ELK4: variants seen among roughly 807,000 people sequenced by gnomAD.
ELK4 encodes the protein ETS transcription factor ELK4, also known as ETS domain-containing protein Elk-4.
ELK4 carries 16 observed loss-of-function variants against 29.6 expected under a neutral mutation model. The ratio of observed to expected loss-of-function variants is 0.54; its 90% CI spans 0.37 to 0.82. ELK4 has a LOEUF of 0.82. Among genes scored for constraint, ELK4 ranks in the 40% least tolerant of loss-of-function variants. The pLI, the probability that ELK4 is intolerant of heterozygous loss-of-function variation, is 0.00. For synonymous variants in ELK4, 213 were observed against 191.1 expected (o/e 1.11, Z -0.95); for missense variants, 465 against 507.1 (o/e 0.92, Z 0.80).
rs1224452229 is a variant in ELK4 at position 205,609,036 on chromosome 1, T to C, written c.*7510A>G. ...TTTAATTTTTAAGTGATGTTCATAC[T>C]TGACGGTTCAGAAACTGCCACTGCC... On this transcript the variant is annotated 3_prime_UTR_variant, in exon 5 of 5. Coordinates refer to ENST00000357992, the MANE Select transcript of ELK4 (RefSeq NM_001973.4). The C allele has an allele frequency of 8.5e-5, 16 of 188,662 alleles. No individual in the cohort carries two copies. In the East Asian group the frequency reaches 1.2e-3, roughly 14 times the overall value. 11.7% of individuals were successfully genotyped at this position (188,662 alleles called of 1,614,324 possible). A position where few individuals can be genotyped will look rare whatever the true frequency, so the allele number is the denominator to read the frequency against.
At position 205,609,273 on chromosome 1, in the gene ELK4, C is replaced by A; in HGVS notation, c.*7273G>T. ...ATTTGATTATTTGGTAAAGCAAGGG[C>A]ATAATTTTAAGAAACTAATTTTAAT... On this transcript the variant is annotated 3_prime_UTR_variant, in exon 5 of 5. Coordinates refer to ENST00000357992, the MANE Select transcript of ELK4 (RefSeq NM_001973.4). The A allele has an allele frequency of 5.3e-6, 1 of 188,216 alleles. No homozygotes were observed. The highest frequency in any genetic ancestry group is 8.5e-5 in the East Asian group (1 of 11,750). The allele number at this position is 188,216 out of a possible 1,614,324, so 11.7% of individuals were successfully genotyped here.
Position 205,616,369 on chromosome 1 carries a change from G to A in ELK4, c.*177C>T. On this transcript the variant is annotated 3_prime_UTR_variant, in exon 5 of 5. Transcript: ENST00000357992. Reference sequence around the variant, plus strand: ...CAATTAAGGCATTTTTATACATATAGTCCAACTTGAGTCCTATTCAAAGAG... The same window carrying A: ...CAATTAAGGCATTTTTATACATATAATCCAACTTGAGTCCTATTCAAAGAG... The A allele has an allele frequency of 1.8e-6, 1 of 545,872 alleles. No homozygotes were observed. Among genetic ancestry groups the A allele is most frequent in the East Asian group, 2.9e-5 (1 of 34,884 alleles). The allele number at this position is 545,872 out of a possible 1,614,324, so 33.8% of individuals were successfully genotyped here.
chr1:205,614,608 A>G lies in ELK4; in HGVS notation c.*1938T>C. 4.4e-6 allele frequency: 1 copy of G among 228,178 alleles called. No homozygotes were observed. Among genetic ancestry groups the G allele is most frequent in the Non-Finnish European group, 8.7e-6 (1 of 114,880 alleles). The allele number at this position is 228,178 out of a possible 1,614,324, so 14.1% of individuals were successfully genotyped here. The stretch of plus-strand genomic sequence containing the variant: ...GTAACAAGTCTCCGACACTACAGAT[A>G]TAAAGGCAGCTCACTGAATATGTTC... On this transcript the variant is annotated 3_prime_UTR_variant, in exon 5 of 5. Transcript: ENST00000357992.
intron 4 of ELK4, among the ~76,000 whole-genome samples, chr1:205,616,863 AC>A (rs775073753): frequency 4.3e-4 from 65 of 152,346 alleles, no homozygotes; most frequent in Admixed American, 2.2e-3. Flanking sequence ...TCTCCAACTT[AC>A]CTCAATGGAG....
chr1:205,617,238 T>C lies in ELK4; in HGVS notation c.1198-594A>G, dbSNP rs761573824. ...ATTCTCAACTTTTTTTTCTATTCAA[T>C]AATTTTAAACGTTGGCAAAAAATAA... is the stretch of plus-strand genomic sequence containing the variant. On this transcript the variant is annotated intron_variant, in intron 4 of 4. Transcript: ENST00000357992. Among the ~76,000 whole-genome samples the C allele has an allele frequency of 6.6e-5, 10 of 152,326 alleles. No homozygotes were observed. In the East Asian group the frequency reaches 1.9e-3, roughly 29 times the overall value.
Position 205,611,366 on chromosome 1 carries a change from C to T in ELK4, c.*5180G>A, listed in dbSNP as rs529953239. On this transcript the variant is annotated 3_prime_UTR_variant, in exon 5 of 5. Transcript: ENST00000357992. ...CAAACCACCTTCTTTTCTTAATACA[C>T]GACCAACCACAAGAATTCTAGATCC... 1.9e-5 allele frequency: 4 copies of T among 210,520 alleles called. No homozygotes were observed. The highest frequency in any genetic ancestry group is 1.9e-4 in the South Asian group (1 of 5,350). 13.0% of individuals were successfully genotyped at this position (210,520 alleles called of 1,614,324 possible).
chr1:205,611,405 C>G lies in ELK4; in HGVS notation c.*5141G>C, dbSNP rs1213764774. On this transcript the variant is annotated 3_prime_UTR_variant, in exon 5 of 5. Transcript: ENST00000357992. ...AATTCTAGATCCTAAGATTAAACTT[C>G]AACTTCAGTAAGCAGAGTTCTGATG... 4.7e-6 allele frequency: 1 copy of G among 211,140 alleles called. No homozygotes were observed. The highest frequency in any genetic ancestry group is 2.3e-5 in the African/African-American group (1 of 44,144). The allele number at this position is 211,140 out of a possible 1,614,324, so 13.1% of individuals were successfully genotyped here. A position where few individuals can be genotyped will look rare whatever the true frequency, so the allele number is the denominator to read the frequency against.
intron 1 of ELK4, among the ~76,000 whole-genome samples, chr1:205,630,548 A>G (rs1443332048): frequency 6.6e-6 from 1 of 152,198 alleles, no homozygotes; most frequent in Admixed American, 6.5e-5. Context: ...GAATCAAAAT[A>G]CTCACCGTTG....
intron 1 of ELK4, among the ~76,000 whole-genome samples, chr1:205,627,518 AAAGAAAAG>A (rs1670489703): frequency 8.0e-6 from 1 of 125,470 alleles, no homozygotes; most frequent in African/African-American, 2.7e-5. Flanking sequence ...CAAAAAAAAA[AAAGAAAAG>A]AAAATATTAT....
At position 205,629,170 on chromosome 1, in the gene ELK4, C is replaced by CAA. The variant is rs61374496; in HGVS notation, c.-10+2460_-10+2461dup. ...TGGGCAACAGAGCAAGACTACGTCT[C>CAA]AAAAAAAAAAAAAAAAAAGAAAAGA... On this transcript the variant is annotated intron_variant, in intron 1 of 4. Transcript: ENST00000357992. Among the ~76,000 whole-genome samples the CAA allele has an allele frequency of 2.0e-4, 18 of 92,268 alleles. No homozygotes were observed. In the East Asian group the frequency reaches 2.0e-3, roughly 10 times the overall value. The allele number at this position is 92,268 out of a possible 152,430, so 60.5% of individuals were successfully genotyped here. A position where few individuals can be genotyped will look rare whatever the true frequency, so the allele number is the denominator to read the frequency against.
rs113214027 is a variant in ELK4, at chr1:205,613,017, CTTT to C, written c.*3526_*3528del. 10 of 178,590 alleles carry C rather than the reference CTTT, an allele frequency of 5.6e-5. No homozygotes were observed. Among genetic ancestry groups the C allele is most frequent in the Non-Finnish European group, 6.9e-5 (6 of 87,334 alleles). The allele number at this position is 178,590 out of a possible 1,614,324, so 11.1% of individuals were successfully genotyped here. A position where few individuals can be genotyped will look rare whatever the true frequency, so the allele number is the denominator to read the frequency against. On this transcript the variant is annotated 3_prime_UTR_variant, in exon 5 of 5. Coordinates refer to ENST00000357992, the MANE Select transcript of ELK4 (RefSeq NM_001973.4). ...GTTGACCTTTCAAGGGCCTCTAATT[CTTT>C]TTTTTTTTTCCTGACCGTACTCCTC...
chr1:205,609,392 TGAAACTGCTCAAAG>T lies in ELK4; in HGVS notation c.*7140_*7153del, dbSNP rs1169466604. ...AATCTTCCCTGCCCACAAAGATAAA[TGAAACTGCTCAAAG>T]GCAAAAATAAAGAAATATAATTGTG... On this transcript the variant is annotated 3_prime_UTR_variant, in exon 5 of 5. Coordinates refer to ENST00000357992, the MANE Select transcript of ELK4 (RefSeq NM_001973.4). 1.0e-5 allele frequency: 2 copies of T among 192,868 alleles called. No individual in the cohort carries two copies. Among genetic ancestry groups the T allele is most frequent in the East Asian group, 1.6e-4 (2 of 12,222 alleles). The allele number at this position is 192,868 out of a possible 1,614,324, so 11.9% of individuals were successfully genotyped here. A position where few individuals can be genotyped will look rare whatever the true frequency, so the allele number is the denominator to read the frequency against.
rs61374496 is a variant in ELK4, at chr1:205,629,170, C to CAAAAAAAAAAAAAAAAAAAAAAA, written c.-10+2461_-10+2462insTTTTTTTTTTTTTTTTTTTTTTT. On this transcript the variant is annotated intron_variant, in intron 1 of 4. Transcript: ENST00000357992. ...TGGGCAACAGAGCAAGACTACGTCT[C>CAAAAAAAAAAAAAAAAAAAAAAA]AAAAAAAAAAAAAAAAAAGAAAAGA... 1.1e-4 allele frequency among the ~76,000 whole-genome samples: 10 copies of CAAAAAAAAAAAAAAAAAAAAAAA among 92,286 alleles called. 1 individual carries two copies. Among genetic ancestry groups the CAAAAAAAAAAAAAAAAAAAAAAA allele is most frequent in the East Asian group, 3.3e-4 (1 of 3,060 alleles). 60.5% of individuals were successfully genotyped at this position (92,286 alleles called of 152,430 possible). A position where few individuals can be genotyped will look rare whatever the true frequency, so the allele number is the denominator to read the frequency against.
rs1235879904 is a variant in ELK4, at chr1:205,611,681, C to T, written c.*4865G>A. ...TATATTCTATCATAGCTTCAGATGA[C>T]ACACTACATCATGAGTAGTATTTTA... On this transcript the variant is annotated 3_prime_UTR_variant, in exon 5 of 5. Coordinates refer to ENST00000357992, the MANE Select transcript of ELK4 (RefSeq NM_001973.4). 1 of 192,458 alleles carries T rather than the reference C, an allele frequency of 5.2e-6. No homozygotes were observed. The highest frequency in any genetic ancestry group is 1.1e-5 in the Non-Finnish European group (1 of 92,128). The allele number at this position is 192,458 out of a possible 1,614,324, so 11.9% of individuals were successfully genotyped here. A position where few individuals can be genotyped will look rare whatever the true frequency, so the allele number is the denominator to read the frequency against.
chr1:205,616,327 AG>A lies in ELK4; in HGVS notation c.*218del. ...AAAAAGAAAAGGAAAAGACAGAGGG[AG>A]GTGGAGTTTAGACTCCAATTAAGGC... On this transcript the variant is annotated 3_prime_UTR_variant, in exon 5 of 5. Coordinates refer to ENST00000357992, the MANE Select transcript of ELK4 (RefSeq NM_001973.4). 4.6e-6 allele frequency: 2 copies of A among 430,872 alleles called. No individual in the cohort carries two copies. Among genetic ancestry groups the A allele is most frequent in the Middle Eastern group, 6.0e-4 (1 of 1,660 alleles). The allele number at this position is 430,872 out of a possible 1,614,324, so 26.7% of individuals were successfully genotyped here. A position where few individuals can be genotyped will look rare whatever the true frequency, so the allele number is the denominator to read the frequency against.
chr1:205,629,649 G>A (rs991130156), intron 1 of ELK4, among the ~76,000 whole-genome samples: 41 of 152,168 alleles, frequency 2.7e-4, no homozygotes, highest in Admixed American at 2.2e-3. Flanking sequence ...CCCAGGAGGC[G>A]GAGGTCACAG....
At chr1:205,621,331 G>A (rs1670346527) in intron 2 of ELK4, among the ~76,000 whole-genome samples, 1 of 151,686 alleles carries the variant, frequency 6.6e-6, no homozygotes, top group Non-Finnish European at 1.5e-5. Context: ...TACTATTATG[G>A]AGAAGTTAAG....
At position 205,631,749 on chromosome 1, in the gene ELK4, CGCGGCGGAGCCGTAGAAGGCG is replaced by C; in HGVS notation, c.-148_-128del. ...ACGGCGCGGCAGCCGCTGCGACCCC[CGCGGCGGAGCCGTAGAAGGCG>C]GCGGCGGCCAAGCCGAGCCCGCCGG... On this transcript the variant is annotated 5_prime_UTR_variant, in exon 1 of 5. Transcript: ENST00000357992. The C allele has an allele frequency of 3.4e-6, 1 of 297,426 alleles. No individual in the cohort carries two copies. Among genetic ancestry groups the C allele is most frequent in the South Asian group, 2.5e-5 (1 of 39,526 alleles). 18.4% of individuals were successfully genotyped at this position (297,426 alleles called of 1,614,324 possible).
At chr1:205,623,967 T>A in intron 1 of ELK4, 76 bp from the exon 2 acceptor site, 1 of 1,299,384 alleles carries the variant, frequency 7.7e-7, no homozygotes, top group Non-Finnish European at 1.1e-6. Flanking sequence ...ATGCACTGTT[T>A]TAAGTGCTCT....
Sources: allele counts gnomAD v4.1 joint callset (sites outside exome capture counted in the v4.1 genomes callset), GRCh38; gene constraint gnomAD v4.1.1; transcripts MANE v1.5; gene names NCBI Gene and HGNC (gene_info 2026-07-23, HGNC 2026-07-21).